HELZ: variants seen among roughly 807,000 people sequenced by gnomAD.
HELZ encodes the protein helicase with zinc finger, also known as ATP-dependent RNA helicase with zinc finger domain.
In HELZ, 23 loss-of-function variants were observed where a neutral mutation model predicts 218.2. That is an observed-to-expected ratio of 0.11 (90% CI 0.08 to 0.15). The LOEUF (loss-of-function observed/expected upper bound fraction) is 0.15, where lower values mean the gene tolerates loss of function less well. HELZ is among the 10% of genes least tolerant of loss of function. HELZ has a pLI of 1.00. For synonymous variants in HELZ, 814 were observed against 829.4 expected (o/e 0.98, Z 0.32); for missense variants, 1,813 against 2,353.7 (o/e 0.77, Z 4.75).
intron 13 of HELZ, among the ~76,000 whole-genome samples, chr17:67,176,066 G>A (rs948932785): frequency 6.6e-6 from 1 of 152,086 alleles, no homozygotes; most frequent in Non-Finnish European, 1.5e-5. Context: ...TGATGTACCA[G>A]TTTCCTTTAA....
intron 3 of HELZ, among the ~76,000 whole-genome samples, chr17:67,238,988 A>T (rs1183010613): frequency 6.6e-6 from 1 of 152,228 alleles, no homozygotes; most frequent in African/African-American, 2.4e-5. Context: ...CCATATTTAG[A>T]TCCTCAAAAC....
rs1005213144 is a variant in HELZ at position 67,169,835 on chromosome 17, C to T, written c.1431-2039G>A. Reference sequence around the variant, plus strand: ...TCTCCAGTTGTGCCTGTGAAATTAACGAGTTACATGCTTCCAAAATACAAT... The same window carrying T: ...TCTCCAGTTGTGCCTGTGAAATTAATGAGTTACATGCTTCCAAAATACAAT... On this transcript the variant is annotated intron_variant, in intron 13 of 32. Transcript: ENST00000358691. 2.0e-5 allele frequency among the ~76,000 whole-genome samples: 3 copies of T among 152,126 alleles called. No homozygotes were observed. In the East Asian group the frequency reaches 5.8e-4, roughly 29 times the overall value.
At chr17:67,103,574 C>T (rs1427509345) in intron 31 of HELZ, among the ~76,000 whole-genome samples, 1 of 152,168 alleles carries the variant, frequency 6.6e-6, no homozygotes. Flanking sequence ...TTACAAAATA[C>T]TGTTGAAAGA....
At position 67,159,550 on chromosome 17, in the gene HELZ, T is replaced by C. The variant is rs1274701769; in HGVS notation, c.2177+711A>G. Among the ~76,000 whole-genome samples, 5 of 152,160 alleles carry C rather than the reference T, an allele frequency of 3.3e-5. No homozygotes were observed. The East Asian group carries it at 9.6e-4, about 29-fold the overall frequency. ...GGGCATGACATATTAGTTTGTAAAA[T>C]GGCAAAACTAAACATTAATTCATAT... On this transcript the variant is annotated intron_variant, in intron 17 of 32. Coordinates refer to ENST00000358691, the MANE Select transcript of HELZ (RefSeq NM_014877.4).
intron 8 of HELZ, among the ~76,000 whole-genome samples, chr17:67,194,271 C>T (rs189490534): frequency 3.0e-4 from 45 of 152,316 alleles, no homozygotes; most frequent in African/African-American, 1.0e-3. Context: ...AAGCTGGTGA[C>T]TCTGACTCTG....
intron 3 of HELZ, among the ~76,000 whole-genome samples, chr17:67,224,072 G>A (rs2040825705): frequency 6.6e-6 from 1 of 152,178 alleles, no homozygotes; most frequent in South Asian, 2.1e-4. Context: ...TTCCTGAAGA[G>A]CTAACTCCAC....
At chr17:67,175,316 G>A (rs2039424243) in intron 13 of HELZ, among the ~76,000 whole-genome samples, 1 of 152,096 alleles carries the variant, frequency 6.6e-6, no homozygotes, top group Non-Finnish European at 1.5e-5. Context: ...TACAGAAAAA[G>A]TTACTGAGCC....
intron 4 of HELZ, among the ~76,000 whole-genome samples, chr17:67,216,524 C>T (rs2040604743): frequency 6.6e-6 from 1 of 152,098 alleles, no homozygotes; most frequent in Admixed American, 6.6e-5. Context: ...CACTAGCTAC[C>T]ATTCCTTTTT....
In HELZ at chr17:67,203,456, A is replaced by G. The variant is rs545688361; in HGVS notation, c.248-13T>C. 57 of 1,613,022 alleles carry G rather than the reference A, an allele frequency of 3.5e-5. No homozygotes were observed. The Admixed American group carries it at 6.9e-4, about 19-fold the overall frequency. The stretch of plus-strand genomic sequence containing the variant: ...CCTTCTCCCAGCACTGCCATGAAAG[A>G]ACAGCCATCATTAACCATATGACAT... On this transcript the variant is annotated splice_polypyrimidine_tract_variant and intron_variant, in intron 5 of 32. Coordinates refer to ENST00000358691, the MANE Select transcript of HELZ (RefSeq NM_014877.4).
chr17:67,145,590 T>C (rs2038468927), intron 21 of HELZ, among the ~76,000 whole-genome samples, 153 bp downstream of exon 21: 1 of 152,154 alleles, frequency 6.6e-6, no homozygotes, highest in Non-Finnish European at 1.5e-5. Context: ...CAAATCAATG[T>C]TATACAAGAA....
intron 23 of HELZ, 65 bp downstream of exon 23, chr17:67,135,905 T>C (rs1329717095): frequency 6.2e-6 from 8 of 1,280,318 alleles, no homozygotes; most frequent in African/African-American, 1.5e-5. Context: ...TGAATAAATA[T>C]ACACATAGGG....
rs764959674 is a variant in HELZ, at chr17:67,120,462, T to C, written c.3781A>G (p.Ile1261Val). ...TGATGCTGATTTTGTGGCTGGCCTA[T>C]GGTGACAGGTGGGTGATGTCCAAGG... ...YGLGHHPPVT[I>V]GQPQNQHQEK... is the part of the protein sequence containing the mutation. The change falls in exon 27 of 33, where the codon ATA (isoleucine) becomes GTA (valine). Residue 1261 changes from isoleucine (I) to valine (V), a missense_variant. Ile to Val is a conservative substitution (Grantham distance 29). This residue lies in a region of HELZ where 938 missense variants were observed against 1,027.5 expected (regional missense o/e 0.91). Transcript: ENST00000358691. The C allele has an allele frequency of 5.6e-6, 9 of 1,614,102 alleles. No individual in the cohort carries two copies. In the East Asian group the frequency reaches 6.7e-5, roughly 12 times the overall value.
At chr17:67,150,729 A>G (rs2038657146) in intron 18 of HELZ, among the ~76,000 whole-genome samples, 1 of 152,206 alleles carries the variant, frequency 6.6e-6, no homozygotes, top group African/African-American at 2.4e-5. Flanking sequence ...CTGACCAACT[A>G]GAGAATAAAT....
chr17:67,190,715 T>C (rs2039870098), intron 9 of HELZ, among the ~76,000 whole-genome samples: 1 of 152,210 alleles, frequency 6.6e-6, no homozygotes, highest in Non-Finnish European at 1.5e-5. Context: ...TTTGATTTTT[T>C]GTTTTTTGTT....
At chr17:67,129,209 A>C (rs1449478807) in intron 23 of HELZ, among the ~76,000 whole-genome samples, 1 of 152,018 alleles carries the variant, frequency 6.6e-6, no homozygotes, top group Non-Finnish European at 1.5e-5. Flanking sequence ...ATTTCACACA[A>C]AATTTGTACT....
chr17:67,186,944 A>C (rs1256058312), intron 12 of HELZ, among the ~76,000 whole-genome samples: 1 of 152,178 alleles, frequency 6.6e-6, no homozygotes. Context: ...CGAAAGTCAA[A>C]TGTAGCCATT....
At chr17:67,092,203 A>G (rs1277273658) in intron 31 of HELZ, among the ~76,000 whole-genome samples, 3 of 152,180 alleles carry the variant, frequency 2.0e-5, no homozygotes, top group African/African-American at 7.2e-5. Flanking sequence ...CCACTAAAAT[A>G]ATAATAAATG....
chr17:67,136,104 C>T lies in HELZ; in HGVS notation c.3048G>A (p.Leu1016=), dbSNP rs1200148293. The change falls in exon 23 of 33, where the codon CTG becomes CTA. Residue 1016 remains leucine, a synonymous_variant. Coordinates refer to ENST00000358691, the MANE Select transcript of HELZ (RefSeq NM_014877.4). ...AATCTAAGTCCTCTGTGGAATCTTC[C>T]AGAAGTTGCTCTTTCTTTTTAATTG... ...QTPIKKKEQL[L]EDSTEDLDYG... is the part of the protein sequence containing the mutation. 1.9e-6 allele frequency: 3 copies of T among 1,613,924 alleles called. No homozygotes were observed. Among genetic ancestry groups the T allele is most frequent in the Non-Finnish European group, 1.7e-6 (2 of 1,179,864 alleles).
At chr17:67,105,977 C>T (rs1451919124) in intron 31 of HELZ, among the ~76,000 whole-genome samples, 1 of 152,164 alleles carries the variant, frequency 6.6e-6, no homozygotes, top group Non-Finnish European at 1.5e-5. Flanking sequence ...TAGCAGGCAA[C>T]TTGTAAAATG....
Sources: allele counts gnomAD v4.1 joint callset (sites outside exome capture counted in the v4.1 genomes callset), GRCh38; gene constraint gnomAD v4.1.1; regional missense constraint gnomAD v4.1.1; transcripts MANE v1.5; gene names NCBI Gene and HGNC (gene_info 2026-07-23, HGNC 2026-07-21).